TXNRD1: variants seen among roughly 807,000 people sequenced by gnomAD.
TXNRD1 encodes thioredoxin reductase 1, cytoplasmic.
TXNRD1 carries 57 observed loss-of-function variants against 80.3 expected under a neutral mutation model. That is an observed-to-expected ratio of 0.71 (90% CI 0.57 to 0.89). TXNRD1 has a LOEUF of 0.89. Ranked by LOEUF, TXNRD1 falls within the 40% of genes least tolerant of loss-of-function variation. The pLI is 0.00. For missense variants in TXNRD1, 730 were observed against 803.0 expected (o/e 0.91, Z 1.10); for synonymous variants, 291 against 285.2 (o/e 1.02, Z -0.20).
intron 16 of TXNRD1, among the ~76,000 whole-genome samples, chr12:104,340,261 CA>C (rs1215602432): frequency 6.6e-6 from 1 of 151,978 alleles, no homozygotes; most frequent in Non-Finnish European, 1.5e-5. Context: ...AATTAAGCTT[CA>C]AAAAAATATA....
chr12:104,305,965 G>C (rs2034897311), intron 4 of TXNRD1, among the ~76,000 whole-genome samples: 1 of 151,976 alleles, frequency 6.6e-6, no homozygotes, highest in African/African-American at 2.4e-5. Context: ...GTGCAGTGGT[G>C]CAATCTCGGC....
At chr12:104,307,335 G>C (rs2034957418) in intron 4 of TXNRD1, among the ~76,000 whole-genome samples, 1 of 152,200 alleles carries the variant, frequency 6.6e-6, no homozygotes, top group Non-Finnish European at 1.5e-5. Context: ...TCAAAATAGT[G>C]GAGATTGACG....
chr12:104,330,699 G>T (rs1410779142), intron 13 of TXNRD1, among the ~76,000 whole-genome samples: 1 of 152,016 alleles, frequency 6.6e-6, no homozygotes, highest in Non-Finnish European at 1.5e-5. Flanking sequence ...CGATTCTCCT[G>T]CCTCAGCCTC....
intron 4 of TXNRD1, among the ~76,000 whole-genome samples, chr12:104,299,767 CAAAAAAAAA>C (rs35918319): frequency 1.9e-5 from 2 of 104,858 alleles, no homozygotes; most frequent in African/African-American, 7.6e-5. Flanking sequence ...GACTCCGTCT[CAAAAAAAAA>C]AAAAAAAAAG....
intron 6 of TXNRD1, among the ~76,000 whole-genome samples, chr12:104,315,090 TCATCCCCAG>T (rs1358895947): frequency 2.6e-5 from 4 of 152,198 alleles, no homozygotes; most frequent in Non-Finnish European, 5.9e-5. Context: ...TGCACTCTAA[TCATCCCCAG>T]CATAGCAACC....
intron 3 of TXNRD1, among the ~76,000 whole-genome samples, chr12:104,276,307 G>T (rs2033756726): frequency 6.6e-6 from 1 of 152,188 alleles, no homozygotes; most frequent in African/African-American, 2.4e-5. Context: ...AGGTTGCAGT[G>T]ACATGTAAGT....
chr12:104,252,657 A>ATT (rs67054728), intron 2 of TXNRD1, among the ~76,000 whole-genome samples: 1 of 38,108 alleles, frequency 2.6e-5, no homozygotes, highest in Non-Finnish European at 4.6e-5. Context: ...TTAATTTATT[A>ATT]TTTTTTATAT....
At chr12:104,308,983 C>T (rs6539136) in intron 4 of TXNRD1, among the ~76,000 whole-genome samples, 124,178 of 149,912 alleles carry the variant, frequency 0.83, 51,536 homozygotes, top group Non-Finnish European at 0.86. Flanking sequence ...CTGCAATCTC[C>T]GCCTCCTGGG....
intron 3 of TXNRD1, among the ~76,000 whole-genome samples, chr12:104,267,720 TC>T (rs1391942903): frequency 2.0e-5 from 1 of 50,360 alleles, no homozygotes; most frequent in Non-Finnish European, 4.8e-5. Context: ...TTTCTTTCTT[TC>T]TCTTTCTTTC....
At chr12:104,262,164 G>A (rs11111959) in intron 3 of TXNRD1, 54,469 of 148,914 alleles carry the variant, frequency 0.37, 10,696 homozygotes, top group East Asian at 0.83. Flanking sequence ...CGCAGGAGGC[G>A]GAGGTTGCAG....
intron 3 of TXNRD1, among the ~76,000 whole-genome samples, chr12:104,281,445 C>T (rs1331573025): frequency 4.7e-5 from 6 of 127,504 alleles, no homozygotes; most frequent in Admixed American, 2.9e-4. Flanking sequence ...CTCACTGTGT[C>T]GCCCGGGCTG....
At chr12:104,256,971 C>CTTTTTTTTTTTTTTTTTTTTT (rs1437158062) in intron 2 of TXNRD1, among the ~76,000 whole-genome samples, 1 of 89,906 alleles carries the variant, frequency 1.1e-5, no homozygotes. Flanking sequence ...AATATATTTT[C>CTTTTTTTTTTTTTTTTTTTTT]TTTTCTTTTT....
At chr12:104,281,765 A>C (rs140180873) in intron 3 of TXNRD1, among the ~76,000 whole-genome samples, 44 of 151,952 alleles carry the variant, frequency 2.9e-4, no homozygotes, top group Non-Finnish European at 5.0e-4. Flanking sequence ...CTGAGCAATT[A>C]TTTTATCATA....
chr12:104,287,724 C>T (rs900770205), intron 3 of TXNRD1, among the ~76,000 whole-genome samples: 2 of 152,190 alleles, frequency 1.3e-5, no homozygotes, highest in Non-Finnish European at 2.9e-5. Context: ...CTCACTCTCT[C>T]AGGCAGTACA....
intron 3 of TXNRD1, among the ~76,000 whole-genome samples, chr12:104,286,514 T>A (rs1177573777): frequency 1.3e-5 from 2 of 152,126 alleles, no homozygotes; most frequent in African/African-American, 2.4e-5. Context: ...TTTAGGGAAC[T>A]GCCAAACTGA....
intron 1 of TXNRD1, among the ~76,000 whole-genome samples, chr12:104,228,059 T>C (rs184822873): frequency 6.6e-6 from 1 of 152,232 alleles, no homozygotes; most frequent in African/African-American, 2.4e-5. Flanking sequence ...TCCCGGCACT[T>C]TGGGAAGCCG....
chr12:104,250,510 A>G (rs1565862196), intron 1 of TXNRD1, among the ~76,000 whole-genome samples: 3 of 152,182 alleles, frequency 2.0e-5, no homozygotes, highest in African/African-American at 7.2e-5. Context: ...TTTTAGCTCC[A>G]TTACTTATTG....
chr12:104,319,371 T>C lies in TXNRD1; in HGVS notation c.874-99T>C, dbSNP rs1354949821. 2.1e-5 allele frequency: 16 copies of C among 772,626 alleles called. No homozygotes were observed. The East Asian group carries it at 4.3e-4, about 21-fold the overall frequency. 47.9% of individuals were successfully genotyped at this position (772,626 alleles called of 1,614,324 possible). On this transcript the variant is annotated intron_variant, in intron 8 of 16. Transcript: ENST00000525566. Reference sequence around the variant, plus strand: ...TATATTATTGTCCTCATTATGAGGATGAAATGAGACAATGTAGTGAATGGC... The same window carrying C: ...TATATTATTGTCCTCATTATGAGGACGAAATGAGACAATGTAGTGAATGGC...
chr12:104,327,653 T>C lies in TXNRD1; in HGVS notation c.1524T>C (p.Tyr508=). The part of the protein sequence containing the change: ...QAGRLLAQRL[Y]AGSTVKCDYE... ...GAAGATTGCTGGCTCAGAGGCTCTA[T>C]GCAGGTTCCACTGTCAAGGTGAGTG... Residue 508 remains tyrosine (Y), a synonymous_variant, in exon 13 of 17, where the codon TAT becomes TAC. Coordinates refer to ENST00000525566, the MANE Select transcript of TXNRD1 (RefSeq NM_001093771.3). 6.2e-7 allele frequency: 1 copy of C among 1,613,678 alleles called. No homozygotes were observed. Among genetic ancestry groups the C allele is most frequent in the East Asian group, 2.2e-5 (1 of 44,878 alleles).
Sources: gnomAD v4.1 joint callset for allele counts (sites outside exome capture counted in the v4.1 genomes callset) on GRCh38, gnomAD v4.1.1 for gene constraint, MANE v1.5 for transcripts, NCBI Gene and HGNC (gene_info 2026-07-23, HGNC 2026-07-21) for gene names.